Variants in TENT4A observed in about 807,000 individuals in gnomAD.
The protein encoded by TENT4A is DNA polymerase kappa.
TENT4A carries 7 observed loss-of-function variants against 72.8 expected under a neutral mutation model. The observed-to-expected ratio is 0.10, with a 90% CI of 0.05 to 0.18. The LOEUF (loss-of-function observed/expected upper bound fraction) is 0.18, where lower values mean the gene tolerates loss of function less well. Among genes scored for constraint, TENT4A ranks in the 10% least tolerant of loss-of-function variants. The probability of loss-of-function intolerance (pLI) is 1.00; values close to 1 mark genes in which losing one functional copy is unlikely to be tolerated. For synonymous variants in TENT4A, 456 were observed against 434.3 expected (o/e 1.05, Z -0.62); for missense variants, 831 against 1,017.7 (o/e 0.82, Z 2.50).
At chr5:6,720,702 A>AT (rs1740604683) in intron 1 of TENT4A, among the ~76,000 whole-genome samples, 1 of 151,288 alleles carries the variant, frequency 6.6e-6, no homozygotes, top group African/African-American at 2.4e-5. Context: ...AAATAAATAA[A>AT]TAAATAAATA....
At position 6,714,362 on chromosome 5, in the gene TENT4A, G is replaced by T; in HGVS notation, c.379G>T (p.Gly127Cys). 1 of 1,138,272 alleles carries T rather than the reference G, an allele frequency of 8.8e-7. No individual in the cohort carries two copies. The highest frequency in any genetic ancestry group is 1.1e-6 in the Non-Finnish European group (1 of 928,664). The allele number at this position is 1,138,272 out of a possible 1,614,324, so 70.5% of individuals were successfully genotyped here. Residue 127 changes from glycine (G) to cysteine (C), a missense_variant, in exon 1 of 13, where the codon GGC (glycine) becomes TGC (cysteine). Transcript: ENST00000230859. ...CGCGGAGTCGGGCACCGAGAGCCCC[G>T]GCTGCTCGTCGTCGTCCTCCAGCAG... ...SNAESGTESP[G>C]CSSSSSSSAS...
At chr5:6,726,845 G>C (rs1299246200) in intron 1 of TENT4A, among the ~76,000 whole-genome samples, 1 of 152,222 alleles carries the variant, frequency 6.6e-6, no homozygotes, top group Non-Finnish European at 1.5e-5. Context: ...TTGCTTGCTT[G>C]AGGATCCGGA....
chr5:6,718,853 G>A (rs1740512531), intron 1 of TENT4A, among the ~76,000 whole-genome samples: 2 of 152,178 alleles, frequency 1.3e-5, no homozygotes, highest in Admixed American at 1.3e-4. Context: ...GACTGGCCAG[G>A]TCAGGACAGC....
At chr5:6,714,722 G>A in intron 1 of TENT4A, 23 bp downstream of exon 1, 9 of 917,568 alleles carry the variant, frequency 9.8e-6, no homozygotes, top group East Asian at 4.3e-5. Context: ...GGAGGCCGCG[G>A]GGGCGGGGGC....
At chr5:6,717,706 T>TGAG (rs2126593063) in intron 1 of TENT4A, among the ~76,000 whole-genome samples, 1 of 152,354 alleles carries the variant, frequency 6.6e-6, no homozygotes, top group East Asian at 1.9e-4. Flanking sequence ...GCTATCTACC[T>TGAG]GGGCTTCTGA....
chr5:6,749,715 A>T, intron 9 of TENT4A, 58 bp downstream of exon 9: 1 of 1,105,948 alleles, frequency 9.0e-7, no homozygotes, highest in Non-Finnish European at 1.4e-6. Context: ...TTCATGCAGA[A>T]GTGTCTCTAT....
chr5:6,743,878 T>A, intron 6 of TENT4A, 38 bp downstream of exon 6: 1 of 1,603,160 alleles, frequency 6.2e-7, no homozygotes, highest in East Asian at 2.2e-5. Flanking sequence ...TGTTGAGACA[T>A]GTGTAAGAGT....
At position 6,714,692 on chromosome 5, in the gene TENT4A, A is replaced by C. The variant is rs1192919802; in HGVS notation, c.709A>C (p.Ile237Leu). The change falls in exon 1 of 13, where the codon ATC (isoleucine) becomes CTC (leucine). Residue 237 changes from isoleucine to leucine, a missense_variant. Ile to Leu is a conservative substitution (Grantham distance 5). Around this residue, in one of 3 missense-constraint regions of TENT4A, gnomAD observed 302 missense variants for 293.8 expected, o/e 1.03. Coordinates refer to ENST00000230859, the MANE Select transcript of TENT4A (RefSeq NM_006999.6). ...GAAGAGCCGCGCGTACAGCCCGGGC[A>C]TCCAGGGGTGAGTGCGCGGGGAGGC... ...PWKSRAYSPG[I>L]QGLHEEIIDF... The C allele has an allele frequency of 2.5e-6, 3 of 1,190,472 alleles. No homozygotes were observed. The highest frequency in any genetic ancestry group is 3.1e-6 in the Non-Finnish European group (3 of 961,000). 73.7% of individuals were successfully genotyped at this position (1,190,472 alleles called of 1,614,324 possible).
In TENT4A at chr5:6,753,043, G is replaced by T. The variant is rs753661394; in HGVS notation, c.2184+6G>T. 6.2e-7 allele frequency: 1 copy of T among 1,611,076 alleles called. No homozygotes were observed. The highest frequency in any genetic ancestry group is 8.5e-7 in the Non-Finnish European group (1 of 1,177,532). ...GCCCTCATCTGTATCATAAGGTATA[G>T]CTCTGTCCTGGTGCATTCACCTACC... On this transcript the variant is annotated splice_donor_region_variant and intron_variant, in intron 12 of 12. Coordinates refer to ENST00000230859, the MANE Select transcript of TENT4A (RefSeq NM_006999.6).
intron 3 of TENT4A, 37 bp downstream of exon 3, chr5:6,738,766 G>A (rs578194339): frequency 2.4e-5 from 35 of 1,488,042 alleles, no homozygotes; most frequent in Non-Finnish European, 3.2e-5. Context: ...CTAGTGGGGG[G>A]CTGGGATGGT....
rs748037273 is a variant in TENT4A at position 6,755,064 on chromosome 5, C to A, written c.*119C>A. 4 of 785,904 alleles carry A rather than the reference C, an allele frequency of 5.1e-6. No individual in the cohort carries two copies. Among genetic ancestry groups the A allele is most frequent in the Admixed American group, 6.2e-5 (2 of 32,316 alleles). 48.7% of individuals were successfully genotyped at this position (785,904 alleles called of 1,614,324 possible). Reference sequence around the variant, plus strand: ...TCAGCCGGGCTCGCGGCACGCCCGCCGCTGATCACTCTGCATGTTTCTTCG... The same window carrying A: ...TCAGCCGGGCTCGCGGCACGCCCGCAGCTGATCACTCTGCATGTTTCTTCG... On this transcript the variant is annotated 3_prime_UTR_variant, in exon 13 of 13. Transcript: ENST00000230859.
chr5:6,732,214 T>C (rs2015038), intron 1 of TENT4A, among the ~76,000 whole-genome samples: 6,870 of 152,284 alleles, frequency 0.045, 206 homozygotes, highest in South Asian at 0.097. Flanking sequence ...GTGGGCTTGC[T>C]TCACCTCTTT....
At chr5:6,741,412 G>A (rs1169339424) in intron 4 of TENT4A, among the ~76,000 whole-genome samples, 1 of 152,198 alleles carries the variant, frequency 6.6e-6, no homozygotes, top group Non-Finnish European at 1.5e-5. Context: ...GTGAGTGTGT[G>A]CAAGAGTAGG....
In TENT4A at chr5:6,741,945, A is replaced by G. The variant is rs564976537; in HGVS notation, c.1009-545A>G. Among the ~76,000 whole-genome samples, 11 of 152,312 alleles carry G rather than the reference A, an allele frequency of 7.2e-5. No individual in the cohort carries two copies. The South Asian group carries it at 2.1e-3, about 29-fold the overall frequency. On this transcript the variant is annotated intron_variant, in intron 4 of 12. Transcript: ENST00000230859. ...GTTGCTCAGGCAGATTTTGAATGCC[A>G]TTCGGTGACAGTTCTTGTTGGTGAG...
chr5:6,748,567 C>T lies in TENT4A; in HGVS notation c.1563C>T (p.Ser521=), dbSNP rs1561044671. ...ATGCTGTGTCACCGCTGGCCAGGTC[C>T]TATCCAAACAGAGACGCCGAAAGGT... ...LSHAVSPLAR[S]YPNRDAESTL... Residue 521 remains serine (S), a synonymous_variant, in exon 8 of 13, where the codon TCC becomes TCT. Transcript: ENST00000230859. 3 of 1,613,774 alleles carry T rather than the reference C, an allele frequency of 1.9e-6. No individual in the cohort carries two copies. The highest frequency in any genetic ancestry group is 2.5e-6 in the Non-Finnish European group (3 of 1,179,712).
In TENT4A at chr5:6,714,688, G is replaced by A. The variant is rs542766991; in HGVS notation, c.705G>A (p.Pro235=). 3.4e-6 allele frequency: 4 copies of A among 1,193,064 alleles called. No homozygotes were observed. The highest frequency in any genetic ancestry group is 4.2e-5 in the South Asian group (1 of 23,954). The allele number at this position is 1,193,064 out of a possible 1,614,324, so 73.9% of individuals were successfully genotyped here. A position where few individuals can be genotyped will look rare whatever the true frequency, so the allele number is the denominator to read the frequency against. Residue 235 remains proline, a synonymous_variant, in exon 1 of 13, where the codon CCG becomes CCA. Transcript: ENST00000230859. Reference sequence around the variant, plus strand: ...CGTGGAAGAGCCGCGCGTACAGCCCGGGCATCCAGGGGTGAGTGCGCGGGG... The same window carrying A: ...CGTGGAAGAGCCGCGCGTACAGCCCAGGCATCCAGGGGTGAGTGCGCGGGG... ...GTPWKSRAYS[P]GIQGLHEEII...
intron 1 of TENT4A, among the ~76,000 whole-genome samples, chr5:6,734,301 T>C (rs1205632272): frequency 6.6e-6 from 1 of 152,240 alleles, no homozygotes; most frequent in Admixed American, 6.5e-5. Flanking sequence ...CCTTGCTGCC[T>C]GGCCCCCAAC....
At chr5:6,731,134 GT>G (rs985113746) in intron 1 of TENT4A, among the ~76,000 whole-genome samples, 1 of 152,140 alleles carries the variant, frequency 6.6e-6, no homozygotes, top group Non-Finnish European at 1.5e-5. Flanking sequence ...CTAAGGTATT[GT>G]TTTTTTGGGC....
Position 6,754,661 on chromosome 5 carries a change from C to T in TENT4A, c.2185-90C>T, listed in dbSNP as rs1742591357. On this transcript the variant is annotated intron_variant, in intron 12 of 12. Coordinates refer to ENST00000230859, the MANE Select transcript of TENT4A (RefSeq NM_006999.6). ...TCCATCCCTGCTCTCTATGTAACAT[C>T]ACGTCGGTGCTTAGTGTGGTCACTG... The T allele has an allele frequency of 6.0e-6, 6 of 994,126 alleles. No individual in the cohort carries two copies. In the Admixed American group the frequency reaches 1.7e-4, roughly 29 times the overall value. The allele number at this position is 994,126 out of a possible 1,614,324, so 61.6% of individuals were successfully genotyped here. A position where few individuals can be genotyped will look rare whatever the true frequency, so the allele number is the denominator to read the frequency against.
Sources: gnomAD v4.1 joint callset for allele counts (sites outside exome capture counted in the v4.1 genomes callset) on GRCh38, gnomAD v4.1.1 for gene constraint, gnomAD v4.1.1 regional missense constraint, MANE v1.5 for transcripts, NCBI Gene and HGNC (gene_info 2026-07-23, HGNC 2026-07-21) for gene names.